The following FRMD1 variants were observed in gnomAD, a reference collection of about 807,000 sequenced individuals.
FRMD1 encodes the protein FERM domain containing 1, also known as FERM domain-containing protein 1.
Under a neutral mutation model 54.9 loss-of-function variants are expected in FRMD1, and 51 were observed. That is an observed-to-expected ratio of 0.93 (90% CI 0.74 to 1.17). The LOEUF is 1.17. Ranked by LOEUF, FRMD1 falls within the 50% of genes most tolerant of loss-of-function variation. The pLI, the probability that FRMD1 is intolerant of heterozygous loss-of-function variation, is 0.00. For missense variants in FRMD1, 729 were observed against 743.0 expected, an observed-to-expected ratio of 0.98 and a Z score of 0.22; for synonymous variants, 324 against 306.4, an observed-to-expected ratio of 1.06 and a Z score of -0.60.
intron 1 of FRMD1, among the ~76,000 whole-genome samples, chr6:168,076,046 T>C (rs1388179382): frequency 6.6e-6 from 1 of 152,204 alleles, no homozygotes; most frequent in South Asian, 2.1e-4. Context: ...GGGCATCCCC[T>C]GCAGAGCTCT....
At chr6:168,061,432 G>A (rs1411609989) in intron 8 of FRMD1, among the ~76,000 whole-genome samples, 1 of 152,130 alleles carries the variant, frequency 6.6e-6, no homozygotes, top group Non-Finnish European at 1.5e-5. Context: ...CTTGTGCTCA[G>A]GTGAGGATGT....
Position 168,075,321 on chromosome 6 carries a change from GC to G in FRMD1, c.227del (p.Gly76AlafsTer78). ...LRLAVGVKAT[G>X]RELFQQVCNV... ...TGCACACTTGCTGGAAAAGCTCGCGGCCAGTAGCCTTCACCTGCAAAAGAGG... is the reference window on the plus strand; with the variant it reads ...TGCACACTTGCTGGAAAAGCTCGCGGCAGTAGCCTTCACCTGCAAAAGAGG... On this transcript the variant is annotated frameshift_variant, in exon 2 of 11. Coordinates refer to ENST00000283309, the MANE Select transcript of FRMD1 (RefSeq NM_024919.6). LOFTEE classifies it high-confidence loss of function. 1 of 1,612,960 alleles carries G rather than the reference GC, an allele frequency of 6.2e-7. No homozygotes were observed. Among genetic ancestry groups the G allele is most frequent in the Non-Finnish European group, 8.5e-7 (1 of 1,179,980 alleles).
At chr6:168,062,134 C>T (rs1208350527) in intron 7 of FRMD1, among the ~76,000 whole-genome samples, 153 bp from the exon 8 acceptor site, 1 of 152,378 alleles carries the variant, frequency 6.6e-6, no homozygotes, top group South Asian at 2.1e-4. Context: ...ACACTGTGCG[C>T]GGACACTGTG....
rs375257973 is a variant in FRMD1, at chr6:168,064,934, G to A, written c.585C>T (p.Gly195=). 18 of 1,609,122 alleles carry A rather than the reference G, an allele frequency of 1.1e-5. No individual in the cohort carries two copies. Among genetic ancestry groups the A allele is most frequent in the South Asian group, 7.7e-5 (7 of 90,372 alleles). Residue 195 remains glycine, a synonymous_variant, in exon 5 of 11, where the codon GGC becomes GGT. Coordinates refer to ENST00000283309, the MANE Select transcript of FRMD1 (RefSeq NM_024919.6). ...CGGCATGGGCCGACTCCCGGTGCTC[G>A]CCCAGGTCAGCCTGCAGCGCGCAGG... ...LAACALQADL[G]EHRESAHAGR...
chr6:168,073,148 C>T (rs898130853), intron 2 of FRMD1, among the ~76,000 whole-genome samples: 7 of 152,172 alleles, frequency 4.6e-5, no homozygotes, highest in African/African-American at 1.4e-4. Flanking sequence ...CTGCTGCTCC[C>T]GGGTGTAAGC....
intron 1 of FRMD1, 148 bp from the exon 2 acceptor site, chr6:168,075,483 C>T: frequency 1.4e-6 from 1 of 707,664 alleles, no homozygotes; most frequent in Non-Finnish European, 2.5e-6. Flanking sequence ...CTCACTCTCT[C>T]CCAAAGCTAA....
chr6:168,075,222 G>T lies in FRMD1; in HGVS notation c.304+23C>A, dbSNP rs773338607. 1.2e-5 allele frequency: 20 copies of T among 1,606,686 alleles called. No individual in the cohort carries two copies. The East Asian group carries it at 2.9e-4, about 23-fold the overall frequency. On this transcript the variant is annotated intron_variant, in intron 2 of 10. Transcript: ENST00000283309. The stretch of plus-strand genomic sequence containing the variant: ...GATGCGGCCCCTGGGCATTCCTGCA[G>T]GTGGGGACTGAGCGATGCTTACTTC...
intron 1 of FRMD1, among the ~76,000 whole-genome samples, chr6:168,089,973 C>T (rs924552425): frequency 7.2e-5 from 11 of 152,310 alleles, no homozygotes; most frequent in East Asian, 3.9e-4. Flanking sequence ...GCTCAGCACT[C>T]GCAGCCCATC....
At chr6:168,091,180 T>C (rs1000002206) in intron 1 of FRMD1, among the ~76,000 whole-genome samples, 1 of 152,190 alleles carries the variant, frequency 6.6e-6, no homozygotes, top group African/African-American at 2.4e-5. Context: ...AACTTCCTGG[T>C]AACTAAAATG....
At chr6:168,060,389 G>T (rs753309499) in intron 9 of FRMD1, among the ~76,000 whole-genome samples, 5 of 150,632 alleles carry the variant, frequency 3.3e-5, no homozygotes, top group Non-Finnish European at 7.4e-5. Flanking sequence ...CTTCCTAGGG[G>T]CCAGGGGCTT....
rs368593574 is a variant in FRMD1, at chr6:168,057,133, C to T, written c.1614G>A (p.Leu538=). The change falls in exon 11 of 11, where the codon CTG becomes CTA. Residue 538 remains leucine, a synonymous_variant. Coordinates refer to ENST00000283309, the MANE Select transcript of FRMD1 (RefSeq NM_024919.6). ...ACTCCTGTGGTGGAGCCTCTCCGAA[C>T]AGGTCCAGGGCGAGACAGTTGCTGG... The part of the protein sequence containing the change: ...KRSSNCLALD[L]FGEAPPQEFV... 44 of 1,519,140 alleles carry T rather than the reference C, an allele frequency of 2.9e-5. No individual in the cohort carries two copies. Among genetic ancestry groups the T allele is most frequent in the Non-Finnish European group, 3.8e-5 (43 of 1,131,024 alleles). 94.1% of individuals were successfully genotyped at this position (1,519,140 alleles called of 1,614,324 possible).
At chr6:168,087,774 C>T (rs1363001614) in intron 1 of FRMD1, among the ~76,000 whole-genome samples, 1 of 152,200 alleles carries the variant, frequency 6.6e-6, no homozygotes. Context: ...AAGCAGGACC[C>T]ATTCCTAGGT....
chr6:168,082,497 T>C (rs1271328264), upstream of FRMD1, among the ~76,000 whole-genome samples: 2 of 152,214 alleles, frequency 1.3e-5, no homozygotes, highest in Non-Finnish European at 1.5e-5. Context: ...CCGTCAGCAC[T>C]GCGAGGGCTT....
chr6:168,067,124 G>A (rs1278324801), intron 3 of FRMD1: 3 of 703,796 alleles, frequency 4.3e-6, no homozygotes, highest in Non-Finnish European at 7.8e-6. Flanking sequence ...CCTCTGGACG[G>A]AGCAGCTGCG....
intron 2 of FRMD1, among the ~76,000 whole-genome samples, chr6:168,070,130 C>T (rs1222842282): frequency 2.0e-5 from 3 of 151,738 alleles, no homozygotes; most frequent in Non-Finnish European, 4.4e-5. Flanking sequence ...AGGCTGACGC[C>T]AGAGGATCCA....
chr6:168,063,301 C>G (rs1219195376), intron 6 of FRMD1, among the ~76,000 whole-genome samples: 1 of 149,382 alleles, frequency 6.7e-6, no homozygotes, highest in Non-Finnish European at 1.5e-5. Flanking sequence ...GGGCTCCATC[C>G]ATCCCTGCCC....
At chr6:168,086,132 C>T (rs542285566), upstream of FRMD1, among the ~76,000 whole-genome samples, 13 of 152,358 alleles carry the variant, frequency 8.5e-5, no homozygotes, top group East Asian at 9.6e-4. Context: ...ATGTCCCCAG[C>T]GTGGACACCT....
chr6:168,060,651 C>T, intron 9 of FRMD1, 110 bp downstream of exon 9: 2 of 1,141,638 alleles, frequency 1.8e-6, no homozygotes, highest in Non-Finnish European at 2.4e-6. Context: ...CGTCTGGCCA[C>T]TGGAGGGCAG....
chr6:168,089,571 A>G (rs776864161), intron 1 of FRMD1, among the ~76,000 whole-genome samples: 24 of 152,216 alleles, frequency 1.6e-4, no homozygotes, highest in Non-Finnish European at 2.4e-4. Context: ...GTTTACCGTC[A>G]CTGTGCACAG....
Sources: allele counts gnomAD v4.1 joint callset (sites outside exome capture counted in the v4.1 genomes callset), GRCh38; gene constraint gnomAD v4.1.1; transcripts MANE v1.5; gene names NCBI Gene and HGNC (gene_info 2026-07-23, HGNC 2026-07-21).